MAST2: variants seen among roughly 807,000 people sequenced by gnomAD.
MAST2 encodes the protein microtubule associated serine/threonine kinase 2, also known as microtubule-associated serine/threonine-protein kinase 2.
A neutral mutation model predicts 147.4 loss-of-function variants in MAST2; 70 were observed. That is an observed-to-expected ratio of 0.47 (90% CI 0.39 to 0.58). The LOEUF (loss-of-function observed/expected upper bound fraction) is 0.58. Among genes scored for constraint, MAST2 ranks in the 20% least tolerant of loss-of-function variants. The pLI is 0.00. For synonymous variants in MAST2, 869 were observed against 896.8 expected (o/e 0.97, Z 0.55); for missense variants, 2,080 against 2,302.3 (o/e 0.90, Z 1.98).
intron 4 of MAST2, among the ~76,000 whole-genome samples, chr1:45,920,453 C>T (rs997029774): frequency 5.3e-5 from 8 of 152,164 alleles, no homozygotes; most frequent in Admixed American, 1.3e-4. Context: ...TGTTTCCCAT[C>T]GGTCCAGTGT....
chr1:45,907,352 A>G (rs1570656850), intron 4 of MAST2, among the ~76,000 whole-genome samples: 1 of 152,150 alleles, frequency 6.6e-6, no homozygotes, highest in Non-Finnish European at 1.5e-5. Context: ...GTTTTCTTCT[A>G]GAAGTTTGTA....
At chr1:45,859,435 C>T (rs1645905396) in intron 3 of MAST2, among the ~76,000 whole-genome samples, 1 of 152,100 alleles carries the variant, frequency 6.6e-6, no homozygotes, top group African/African-American at 2.4e-5. Context: ...TAGGAGTTTA[C>T]TAGGTAAGAG....
At chr1:45,811,461 C>T (rs1644296445) in intron 1 of MAST2, among the ~76,000 whole-genome samples, 1 of 151,248 alleles carries the variant, frequency 6.6e-6, no homozygotes, top group Non-Finnish European at 1.5e-5. Flanking sequence ...GCCTCAGCCT[C>T]TGGAGTAGCT....
chr1:46,004,081 C>T lies in MAST2; in HGVS notation c.747+1198C>T, dbSNP rs149577405. Among the ~76,000 whole-genome samples the T allele has an allele frequency of 4.8e-3, 725 of 152,160 alleles. 2 individuals are homozygous for T. The highest frequency in any genetic ancestry group is 0.022 in the Admixed American group (340 of 15,274). On this transcript the variant is annotated intron_variant, in intron 7 of 28. Coordinates refer to ENST00000361297, the MANE Select transcript of MAST2 (RefSeq NM_015112.3). The stretch of plus-strand genomic sequence containing the variant: ...TTTCTCTAATAAACATTCCCCTTCC[C>T]GGGCCAGGCGCAGTGGCTCACACCT...
At chr1:46,019,546 GCCCA>G in intron 10 of MAST2, 46 bp from the exon 11 acceptor site, 1 of 1,497,418 alleles carries the variant, frequency 6.7e-7, no homozygotes, top group Non-Finnish European at 9.3e-7. Flanking sequence ...GTCCTGCTTA[GCCCA>G]GCCACACTGG....
At chr1:45,883,912 G>GCCT (rs59944185) in intron 4 of MAST2, among the ~76,000 whole-genome samples, 32 of 2,506 alleles carry the variant, frequency 0.013, 13 homozygotes, top group Non-Finnish European at 0.015. Flanking sequence ...TACTATTTCT[G>GCCT]CCCCCCCCGC....
chr1:45,946,809 G>T (rs1347490096), intron 4 of MAST2, among the ~76,000 whole-genome samples: 2 of 152,142 alleles, frequency 1.3e-5, no homozygotes, highest in Non-Finnish European at 2.9e-5. Context: ...AGTCAAGGTG[G>T]TCACGACTAA....
chr1:45,809,523 G>A lies in MAST2; in HGVS notation c.177+5451G>A, dbSNP rs368177588. On this transcript the variant is annotated intron_variant, in intron 1 of 28. Coordinates refer to ENST00000361297, the MANE Select transcript of MAST2 (RefSeq NM_015112.3). The stretch of plus-strand genomic sequence containing the variant: ...TCGGGGTTGGTGGTGCGCGCCTGTG[G>A]GCCCAGCTACTTGGGAGGCTGAGGT... Among the ~76,000 whole-genome samples the A allele has an allele frequency of 5.3e-5, 8 of 152,218 alleles. No individual in the cohort carries two copies. The South Asian group carries it at 1.7e-3, about 32-fold the overall frequency.
chr1:45,872,479 G>A (rs1008620820), intron 3 of MAST2, among the ~76,000 whole-genome samples: 6 of 150,592 alleles, frequency 4.0e-5, no homozygotes, highest in African/African-American at 9.8e-5. Context: ...GCACCATTTC[G>A]TGGTTTTTTT....
intron 1 of MAST2, among the ~76,000 whole-genome samples, chr1:45,813,732 C>G (rs1336805752): frequency 6.6e-6 from 1 of 152,138 alleles, no homozygotes; most frequent in Non-Finnish European, 1.5e-5. Context: ...CTTCTGACGT[C>G]AGGTGAGCCG....
intron 5 of MAST2, among the ~76,000 whole-genome samples, chr1:45,980,904 A>G (rs1350176115): frequency 2.6e-5 from 4 of 152,110 alleles, no homozygotes; most frequent in African/African-American, 4.8e-5. Context: ...TAACCATCCA[A>G]TGGGTCCTCC....
intron 5 of MAST2, among the ~76,000 whole-genome samples, chr1:45,992,354 A>G (rs374006275): frequency 9.2e-5 from 14 of 152,278 alleles, no homozygotes; most frequent in African/African-American, 2.2e-4. Context: ...TTGATTTTCA[A>G]ATGTTGAGCC....
intron 26 of MAST2, 52 bp from the exon 27 acceptor site, chr1:46,033,749 AG>A (rs1646777860): frequency 6.3e-7 from 1 of 1,593,344 alleles, no homozygotes; most frequent in African/African-American, 1.3e-5. Context: ...GGGGGAGGGG[AG>A]GGGCAAGAAT....
intron 4 of MAST2, among the ~76,000 whole-genome samples, chr1:45,936,850 T>C (rs1315827168): frequency 1.3e-5 from 2 of 152,122 alleles, no homozygotes; most frequent in Non-Finnish European, 2.9e-5. Flanking sequence ...GCCCCCTAAG[T>C]ACCTCAGATT....
chr1:45,882,975 C>T (rs537895833), intron 4 of MAST2, among the ~76,000 whole-genome samples: 1 of 152,162 alleles, frequency 6.6e-6, no homozygotes, highest in East Asian at 1.9e-4. Flanking sequence ...TCTGTTGGGG[C>T]AGTATTAGAA....
chr1:46,025,691 A>G lies in MAST2; in HGVS notation c.1795A>G (p.Thr599Ala). Residue 599 changes from threonine (T) to alanine (A), a missense_variant, in exon 16 of 29, where the codon ACT becomes GCT. By Grantham distance (58) the Thr-to-Ala change is moderately conservative. Transcript: ENST00000361297. The stretch of plus-strand genomic sequence containing the variant: ...GCTTGTTGCAGGGGGAGACTGTGCC[A>G]CTCTGCTGAAGAATATTGGGGCCCT... Reference protein sequence around the residue: ...MEYVEGGDCATLLKNIGALPV... With the variant: ...MEYVEGGDCAALLKNIGALPV... 1 of 1,614,006 alleles carries G rather than the reference A, an allele frequency of 6.2e-7. No individual in the cohort carries two copies. Among genetic ancestry groups the G allele is most frequent in the South Asian group, 1.1e-5 (1 of 91,074 alleles).
intron 4 of MAST2, among the ~76,000 whole-genome samples, chr1:45,936,003 A>G (rs564939484): frequency 6.6e-6 from 1 of 152,290 alleles, no homozygotes; most frequent in South Asian, 2.1e-4. Context: ...CATTTTAACA[A>G]TATTAATTCT....
intron 3 of MAST2, among the ~76,000 whole-genome samples, chr1:45,860,201 T>TACACACACACACACACACAC (rs777498021): frequency 4.2e-5 from 6 of 144,128 alleles, no homozygotes; most frequent in African/African-American, 1.3e-4. Context: ...CTACTAAAAA[T>TACACACACACACACACACAC]ACACACACAC....
chr1:45,982,472 A>G (rs944762054), intron 5 of MAST2, among the ~76,000 whole-genome samples: 2 of 152,220 alleles, frequency 1.3e-5, no homozygotes, highest in Admixed American at 6.5e-5. Flanking sequence ...CATTTAATCA[A>G]TCATGACTAT....
Sources: gnomAD v4.1 joint callset for allele counts (sites outside exome capture counted in the v4.1 genomes callset) on GRCh38, gnomAD v4.1.1 for gene constraint, MANE v1.5 for transcripts, NCBI Gene and HGNC (gene_info 2026-07-23, HGNC 2026-07-21) for gene names.